Variants in ST3GAL4 observed in about 807,000 individuals in gnomAD.
ST3GAL4 encodes ST3 beta-galactoside alpha-2,3-sialyltransferase 4.
Under a neutral mutation model 42.6 loss-of-function variants are expected in ST3GAL4, and 24 were observed. That is an observed-to-expected ratio of 0.56 (90% CI 0.41 to 0.79). The LOEUF (loss-of-function observed/expected upper bound fraction) is 0.79. Ranked by LOEUF, ST3GAL4 falls within the 30% of genes least tolerant of loss-of-function variation. ST3GAL4 has a pLI of 0.00. For missense variants in ST3GAL4, 311 were observed against 430.8 expected (o/e 0.72, Z 2.46); for synonymous variants, 135 against 163.2 (o/e 0.83, Z 1.32).
intron 1 of ST3GAL4, among the ~76,000 whole-genome samples, chr11:126,375,964 G>A (rs961263888): frequency 3.4e-5 from 5 of 146,934 alleles, no homozygotes; most frequent in African/African-American, 1.3e-4. Context: ...TTGTTAATTC[G>A]CCATGCAATA....
chr11:126,364,770 GC>G (rs1952367438), intron 1 of ST3GAL4, among the ~76,000 whole-genome samples: 1 of 151,244 alleles, frequency 6.6e-6, no homozygotes, highest in Admixed American at 6.6e-5. Context: ...CTGGTCCCGG[GC>G]CCCCTCTCAG....
At chr11:126,370,385 T>G (rs1952595897) in intron 1 of ST3GAL4, among the ~76,000 whole-genome samples, 2 of 152,246 alleles carry the variant, frequency 1.3e-5, no homozygotes, top group African/African-American at 4.8e-5. Context: ...ATGTCTTATG[T>G]GCCATTTATA....
Position 126,363,590 on chromosome 11 carries a change from A to T in ST3GAL4, c.-61+7748A>T, listed in dbSNP as rs986441828. Among the ~76,000 whole-genome samples the T allele has an allele frequency of 2.0e-5, 3 of 152,192 alleles. No individual in the cohort carries two copies. The highest frequency in any genetic ancestry group is 4.4e-5 in the Non-Finnish European group (3 of 68,032). ...CCTGCCCAAAGTATGCAATGCTTTT[A>T]TCTTTAGCTCAGCTCCTGAGCCCTC... On this transcript the variant is annotated intron_variant, in intron 1 of 10. Transcript: ENST00000444328. The surrounding 1 kb of genome is among the most constrained non-coding windows in gnomAD (Gnocchi z 4.6).
In ST3GAL4 at chr11:126,388,998, G is replaced by A. The variant is rs573104060; in HGVS notation, c.-60-17098G>A. Among the ~76,000 whole-genome samples, 5 of 151,938 alleles carry A rather than the reference G, an allele frequency of 3.3e-5. No individual in the cohort carries two copies. The East Asian group carries it at 7.8e-4, about 24-fold the overall frequency. ...TCACCATGTTGGCCAGGTTGGTCTCGAACTCGTGACCTCAGGTGATCCACC... is the reference window on the plus strand; with the variant it reads ...TCACCATGTTGGCCAGGTTGGTCTCAAACTCGTGACCTCAGGTGATCCACC... On this transcript the variant is annotated intron_variant, in intron 1 of 10. Transcript: ENST00000444328.
intron 1 of ST3GAL4, among the ~76,000 whole-genome samples, chr11:126,371,632 A>G (rs1952651865): frequency 6.6e-6 from 1 of 152,252 alleles, no homozygotes; most frequent in Admixed American, 6.5e-5. Flanking sequence ...TGACATGGCT[A>G]TATAATATTC....
intron 1 of ST3GAL4, among the ~76,000 whole-genome samples, chr11:126,371,630 C>G (rs1188846354): frequency 1.3e-5 from 2 of 152,188 alleles, no homozygotes; most frequent in African/African-American, 2.4e-5. Flanking sequence ...GTTGACATGG[C>G]TATATAATAT....
Position 126,411,934 on chromosome 11 carries a change from G to A in ST3GAL4, c.772-1571G>A, listed in dbSNP as rs1460275762. 2.6e-5 allele frequency among the ~76,000 whole-genome samples: 4 copies of A among 152,120 alleles called. No homozygotes were observed. Among genetic ancestry groups the A allele is most frequent in the Non-Finnish European group, 4.4e-5 (3 of 68,030 alleles). ...GTTCAACTGTGCCATATAAAGTAAC[G>A]TCACGTAATCGCATCATATTCACGG... On this transcript the variant is annotated intron_variant, in intron 9 of 10. Coordinates refer to ENST00000444328, the MANE Select transcript of ST3GAL4 (RefSeq NM_001254757.2). The surrounding 1 kb of genome is among the most constrained non-coding windows in gnomAD (Gnocchi z 6.3).
At position 126,366,199 on chromosome 11, in the gene ST3GAL4, G is replaced by A. The variant is rs560021007; in HGVS notation, c.-61+10357G>A. Among the ~76,000 whole-genome samples, 2 of 152,332 alleles carry A rather than the reference G, an allele frequency of 1.3e-5. No individual in the cohort carries two copies. The highest frequency in any genetic ancestry group is 4.1e-4 in the South Asian group (2 of 4,830). ...ACAAAGTCTATACGAGCCAGAGCTG[G>A]GGTGGGAGGAACCCAGTGGGCCTGG... On this transcript the variant is annotated intron_variant, in intron 1 of 10. Transcript: ENST00000444328. The surrounding 1 kb of genome is among the most constrained non-coding windows in gnomAD (Gnocchi z 4.2).
At chr11:126,390,709 C>G (rs1400169611) in intron 1 of ST3GAL4, among the ~76,000 whole-genome samples, 1 of 147,118 alleles carries the variant, frequency 6.8e-6, no homozygotes, top group African/African-American at 2.5e-5. Context: ...CATCTTAACT[C>G]TTTCTGTGTG....
chr11:126,358,655 A>T, intron 1 of ST3GAL4: 1 of 283,526 alleles, frequency 3.5e-6, no homozygotes, highest in South Asian at 2.6e-5. Flanking sequence ...CAGGGGCTGA[A>T]TTCCCCCAAA....
chr11:126,369,218 A>C (rs1399331088), intron 1 of ST3GAL4, among the ~76,000 whole-genome samples: 2 of 151,976 alleles, frequency 1.3e-5, no homozygotes, highest in Admixed American at 1.3e-4. Context: ...ACCTCCCTTC[A>C]AGATAGTGCC....
chr11:126,369,211 T>A (rs890771269), intron 1 of ST3GAL4, among the ~76,000 whole-genome samples: 5 of 152,196 alleles, frequency 3.3e-5, no homozygotes, highest in Middle Eastern at 3.4e-3. Flanking sequence ...TCAAGCAACC[T>A]CCCTTCAAGA....
chr11:126,409,149 G>A lies in ST3GAL4; in HGVS notation c.628-119G>A. 1.6e-6 allele frequency: 2 copies of A among 1,251,816 alleles called. No individual in the cohort carries two copies. The highest frequency in any genetic ancestry group is 1.4e-5 in the South Asian group (1 of 73,530). 77.5% of individuals were successfully genotyped at this position (1,251,816 alleles called of 1,614,324 possible). ...TCACCTCCCTTTCCTCTCACCTTGT[G>A]CTCCTGAAGGCCTCTGCCATCGCTT... On this transcript the variant is annotated intron_variant, in intron 8 of 10. Transcript: ENST00000444328. The surrounding 1 kb of genome is among the most constrained non-coding windows in gnomAD (Gnocchi z 4.9).
At chr11:126,369,623 GT>G (rs1952566194) in intron 1 of ST3GAL4, among the ~76,000 whole-genome samples, 1 of 152,196 alleles carries the variant, frequency 6.6e-6, no homozygotes, top group Non-Finnish European at 1.5e-5. Context: ...ACTCCCAGAA[GT>G]GATGGTTGGT....
intron 5 of ST3GAL4, 103 bp from the exon 6 acceptor site, chr11:126,407,471 G>A (rs925506135): frequency 2.6e-6 from 4 of 1,566,432 alleles, no homozygotes; most frequent in Non-Finnish European, 2.6e-6. Context: ...AGGGTCAGGG[G>A]AAGAAGAAGG....
chr11:126,395,857 G>A (rs907046998), intron 1 of ST3GAL4, among the ~76,000 whole-genome samples: 1 of 152,118 alleles, frequency 6.6e-6, no homozygotes, highest in African/African-American at 2.4e-5. Flanking sequence ...TCAGCAGCAC[G>A]AAAACAGACT....
chr11:126,404,464 A>G (rs1304627307), intron 1 of ST3GAL4, among the ~76,000 whole-genome samples: 2 of 152,248 alleles, frequency 1.3e-5, no homozygotes, highest in Admixed American at 1.3e-4. Flanking sequence ...CACAGAGCTT[A>G]TATCCCAACT....
chr11:126,365,781 C>A (rs1213834970), intron 1 of ST3GAL4, among the ~76,000 whole-genome samples: 3 of 152,170 alleles, frequency 2.0e-5, no homozygotes, highest in Admixed American at 1.3e-4. Flanking sequence ...AGAGGACAGT[C>A]CCTGTCACTG....
rs1290396216 is a variant in ST3GAL4, at chr11:126,391,966, T to C, written c.-60-14130T>C. 1.3e-5 allele frequency among the ~76,000 whole-genome samples: 2 copies of C among 150,398 alleles called. No homozygotes were observed. The highest frequency in any genetic ancestry group is 3.0e-5 in the Non-Finnish European group (2 of 67,756). ...GTGTGTGTGTGTGTGTGTGTGTGTG[T>C]GTGTGTATGTGTGTGTATGTGTATA... On this transcript the variant is annotated intron_variant, in intron 1 of 10. Transcript: ENST00000444328. This position sits in a 1 kb window ranked among gnomAD's most constrained non-coding sequence, Gnocchi z 5.5.
Sources: allele counts gnomAD v4.1 joint callset (sites outside exome capture counted in the v4.1 genomes callset), GRCh38; gene constraint gnomAD v4.1.1; non-coding constraint Gnocchi (gnomAD v3.1); transcripts MANE v1.5; gene names NCBI Gene and HGNC (gene_info 2026-07-23, HGNC 2026-07-21).